Variants in ACOT2 observed in about 807,000 individuals in gnomAD.
The protein encoded by ACOT2 is acyl-coenzyme A thioesterase 2, mitochondrial.
In ACOT2, 15 loss-of-function variants were observed where a neutral mutation model predicts 20.1. The ratio of observed to expected loss-of-function variants is 0.75; its 90% CI spans 0.50 to 1.15. The LOEUF is 1.15. Ranked by LOEUF, ACOT2 falls within the 50% of genes most tolerant of loss-of-function variation. The pLI is 0.00. For synonymous variants in ACOT2, 252 were observed against 268.4 expected (o/e 0.94, Z 0.60); for missense variants, 479 against 615.3 (o/e 0.78, Z 2.34).
Position 73,575,106 on chromosome 14 carries a change from G to A in ACOT2, c.1045G>A (p.Asp349Asn). 1 of 1,378,482 alleles carries A rather than the reference G, an allele frequency of 7.3e-7. No individual in the cohort carries two copies. Among genetic ancestry groups the A allele is most frequent in the Non-Finnish European group, 1.0e-6 (1 of 1,001,388 alleles). The allele number at this position is 1,378,482 out of a possible 1,614,324, so 85.4% of individuals were successfully genotyped here. ...CAGAAATCGCATCAAGGTGACCAAA[G>A]ATGGCTATGCAGACATTGTGGATGT... Reference protein sequence around the residue: ...VNRNRIKVTKDGYADIVDVLN... With the variant: ...VNRNRIKVTKNGYADIVDVLN... The change falls in exon 3 of 3, where the codon GAT becomes AAT. Residue 349 changes from aspartate (D) to asparagine (N), a missense_variant. Around this residue, in one of 4 missense-constraint regions of ACOT2, gnomAD observed 39 missense variants for 108.0 expected, o/e 0.36. Coordinates refer to ENST00000238651, the MANE Select transcript of ACOT2 (RefSeq NM_006821.6).
In ACOT2 at chr14:73,569,362, C is replaced by T. The variant is rs764178107; in HGVS notation, c.122C>T (p.Ser41Leu). 1.1e-5 allele frequency: 17 copies of T among 1,613,984 alleles called. 1 individual carries two copies. The highest frequency in any genetic ancestry group is 1.4e-5 in the Non-Finnish European group (17 of 1,179,806). The change falls in exon 1 of 3, where the codon TCG becomes TTG. Residue 41 changes from serine (S) to leucine (L), a missense_variant. Ser to Leu is a moderately radical substitution (Grantham distance 145). Coordinates refer to ENST00000238651, the MANE Select transcript of ACOT2 (RefSeq NM_006821.6). The stretch of plus-strand genomic sequence containing the variant: ...CTGTACCAATGGAGCCTGAAGAGTT[C>T]GGCGCAGTTCCTGGGGTCTCCACAG... ...SRLYQWSLKS[S>L]AQFLGSPQLR...
chr14:73,571,159 C>G (rs3815289), intron 1 of ACOT2: 1 of 151,702 alleles, frequency 6.6e-6, no homozygotes, highest in South Asian at 2.1e-4. Flanking sequence ...CCTAGCTCCC[C>G]GCTGGCTGGC....
chr14:73,573,757 T>C (rs61987140), intron 2 of ACOT2, among the ~76,000 whole-genome samples, 167 bp downstream of exon 2: 21,637 of 151,504 alleles, frequency 0.14, 2,331 homozygotes, highest in Non-Finnish European at 0.22. Context: ...AGATGGAGTC[T>C]CACTCTGTTG....
chr14:73,574,836 G>C lies in ACOT2; in HGVS notation c.847-72G>C, dbSNP rs1176687719. ...AGACTCAGGTTCAACTAACTTCCAG[G>C]GTGGACACAACTCACCATATTCCAC... is the stretch of plus-strand genomic sequence containing the variant. On this transcript the variant is annotated intron_variant, in intron 2 of 2. Coordinates refer to ENST00000238651, the MANE Select transcript of ACOT2 (RefSeq NM_006821.6). The C allele has an allele frequency of 2.4e-5, 39 of 1,607,788 alleles. 1 individual carries two copies. In the South Asian group the frequency reaches 3.7e-4, roughly 15 times the overall value.
upstream of ACOT2, among the ~76,000 whole-genome samples, chr14:73,568,563 C>T (rs530533803): frequency 6.9e-6 from 1 of 144,670 alleles, no homozygotes; most frequent in African/African-American, 2.5e-5. Flanking sequence ...GACCCTGTCT[C>T]TCAAAAAAAA....
chr14:73,569,976 CCG>C, intron 1 of ACOT2, 93 bp downstream of exon 1: 1 of 1,462,068 alleles, frequency 6.8e-7, no homozygotes, highest in East Asian at 2.5e-5. Context: ...GTATGCCCCC[CCG>C]CCGCGCCCCC....
At position 73,569,252 on chromosome 14, in the gene ACOT2, G is replaced by A. The variant is rs556757772; in HGVS notation, c.12G>A (p.Lys4=). 1.2e-6 allele frequency: 2 copies of A among 1,613,648 alleles called. No individual in the cohort carries two copies. Among genetic ancestry groups the A allele is most frequent in the African/African-American group, 2.7e-5 (2 of 75,042 alleles). MSN[K]LLSPHPHSVV... Reference sequence around the variant, plus strand: ...GGCAGCCCGAGAGGATGTCTAACAAGCTTCTTTCTCCCCACCCCCATTCAG... The same window carrying A: ...GGCAGCCCGAGAGGATGTCTAACAAACTTCTTTCTCCCCACCCCCATTCAG... Residue 4 remains lysine (K), a synonymous_variant, in exon 1 of 3, where the codon AAG becomes AAA. Transcript: ENST00000238651.
rs536380162 is a variant in ACOT2 at position 73,574,060 on chromosome 14, G to A, written c.846+470G>A. On this transcript the variant is annotated intron_variant, in intron 2 of 2. Coordinates refer to ENST00000238651, the MANE Select transcript of ACOT2 (RefSeq NM_006821.6). Reference sequence around the variant, plus strand: ...TATTTTTTTTTTTTTAAGTAGAGATGGGGTTTCGCCATGTTGGCCAGGCTG... The same window carrying A: ...TATTTTTTTTTTTTTAAGTAGAGATAGGGTTTCGCCATGTTGGCCAGGCTG... Among the ~76,000 whole-genome samples the A allele has an allele frequency of 3.3e-4, 50 of 151,356 alleles. No individual in the cohort carries two copies. In the East Asian group the frequency reaches 8.7e-3, roughly 26 times the overall value.
In ACOT2 at chr14:73,573,003, AATATC is replaced by A. The variant is rs1889795708; in HGVS notation, c.644-383_644-379del. ...CAAAACCTTTAATGTAAATGATAAA[AATATC>A]AGTAAGTGGAGTCATTCAGAATGAG... is the stretch of plus-strand genomic sequence containing the variant. On this transcript the variant is annotated intron_variant, in intron 1 of 2. Transcript: ENST00000238651. Among the ~76,000 whole-genome samples the A allele has an allele frequency of 2.0e-5, 3 of 151,676 alleles. No individual in the cohort carries two copies. In the South Asian group the frequency reaches 6.2e-4, roughly 32 times the overall value.
rs1889664075 is a variant in ACOT2, at chr14:73,569,434, C to A, written c.194C>A (p.Ala65Glu). 6.2e-7 allele frequency: 1 copy of A among 1,613,852 alleles called. No homozygotes were observed. Among genetic ancestry groups the A allele is most frequent in the Non-Finnish European group, 8.5e-7 (1 of 1,179,786 alleles). Reference sequence around the variant, plus strand: ...ATTAGGGTTCCTGCTCGGATGGCGGCGACGCTGATCCTGGAGCCTGCGGGC... The same window carrying A: ...ATTAGGGTTCCTGCTCGGATGGCGGAGACGCTGATCCTGGAGCCTGCGGGC... The part of the protein sequence containing the change: ...QIIRVPARMA[A>E]TLILEPAGRC... The change falls in exon 1 of 3, where the codon GCG (alanine) becomes GAG (glutamate). Residue 65 changes from alanine (A) to glutamate (E), a missense_variant. By Grantham distance (107) the Ala-to-Glu change is moderately radical. Transcript: ENST00000238651.
chr14:73,575,627 C>T lies in ACOT2; in HGVS notation c.*114C>T. 1 of 1,549,678 alleles carries T rather than the reference C, an allele frequency of 6.5e-7. No homozygotes were observed. The highest frequency in any genetic ancestry group is 8.7e-7 in the Non-Finnish European group (1 of 1,153,954). ...GTTTTTAATAACTAAAGTTTTTTCC[C>T]CTCATTATTAAAATGAATTTACCAG... On this transcript the variant is annotated 3_prime_UTR_variant, in exon 3 of 3. Coordinates refer to ENST00000238651, the MANE Select transcript of ACOT2 (RefSeq NM_006821.6).
intron 2 of ACOT2, among the ~76,000 whole-genome samples, chr14:73,574,094 C>T (rs1439838928): frequency 5.3e-5 from 8 of 151,406 alleles, no homozygotes; most frequent in African/African-American, 1.9e-4. Flanking sequence ...TGGTCTCAAA[C>T]TCCTGACCTC....
chr14:73,569,635 G>A lies in ACOT2; in HGVS notation c.395G>A (p.Gly132Asp). Residue 132 changes from glycine (G) to aspartate (D), a missense_variant, in exon 1 of 3, where the codon GGC (glycine) becomes GAC (aspartate). Physicochemically the swap from Gly to Asp is moderately conservative, Grantham distance 94 (BLOSUM62 -1). Transcript: ENST00000238651. ...CTGGAGCGCGCGCCCGCGCTGGGCGGCAGCTTCGCGGGGCTTGAGCCCATG... is the reference window on the plus strand; with the variant it reads ...CTGGAGCGCGCGCCCGCGCTGGGCGACAGCTTCGCGGGGCTTGAGCCCATG... ...LDLERAPALG[G>D]SFAGLEPMGL... The A allele has an allele frequency of 1.2e-6, 2 of 1,602,646 alleles. No individual in the cohort carries two copies. Among genetic ancestry groups the A allele is most frequent in the Non-Finnish European group, 1.7e-6 (2 of 1,176,238 alleles).
At chr14:73,567,767 A>G (rs776237425), upstream of ACOT2, 3 of 152,062 alleles carry the variant, frequency 2.0e-5, no homozygotes, top group African/African-American at 4.8e-5. Flanking sequence ...TGAAGCCAAG[A>G]CCATGAACCC....
chr14:73,571,658 C>G (rs1159068906), intron 1 of ACOT2: 2 of 151,344 alleles, frequency 1.3e-5, no homozygotes, highest in African/African-American at 4.9e-5. Flanking sequence ...TGCCAGCACG[C>G]GGTCCCTGTC....
Position 73,569,818 on chromosome 14 carries a change from C to T in ACOT2, c.578C>T (p.Pro193Leu). ...CQTRHERYFL[P>L]PGVRREPVRV... ...ACGCGGCACGAGCGCTACTTCCTCC[C>T]GCCCGGGGTGCGGCGCGAGCCGGTG... Residue 193 changes from proline to leucine, a missense_variant, in exon 1 of 3, where the codon CCG becomes CTG. Physicochemically the swap from Pro to Leu is moderately conservative, Grantham distance 98. Transcript: ENST00000238651. 8 of 1,599,882 alleles carry T rather than the reference C, an allele frequency of 5.0e-6. No homozygotes were observed. Among genetic ancestry groups the T allele is most frequent in the South Asian group, 1.1e-5 (1 of 89,996 alleles).
chr14:73,568,242 C>T (rs1407471037), upstream of ACOT2: 1 of 152,010 alleles, frequency 6.6e-6, no homozygotes, highest in Non-Finnish European at 1.5e-5. Flanking sequence ...GAGGCAAACA[C>T]AGGTTTTGTG....
At chr14:73,571,386 G>A (rs1381961923) in intron 1 of ACOT2, 1 of 154,542 alleles carries the variant, frequency 6.5e-6, no homozygotes, top group Non-Finnish European at 1.4e-5. Flanking sequence ...CACCCACACA[G>A]TGGTCATACT....
Position 73,573,415 on chromosome 14 carries a change from A to T in ACOT2, c.671A>T (p.Asp224Val), listed in dbSNP as rs1403042109. The T allele has an allele frequency of 2.5e-6, 4 of 1,613,446 alleles. No homozygotes were observed. Among genetic ancestry groups the T allele is most frequent in the Non-Finnish European group, 3.4e-6 (4 of 1,179,684 alleles). The change falls in exon 2 of 3, where the codon GAC (aspartate) becomes GTC (valine). Residue 224 changes from aspartate to valine, a missense_variant. By Grantham distance (152) the Asp-to-Val change is radical. This residue lies in a region of ACOT2 where 400 missense variants were observed against 395.5 expected (regional missense o/e 1.01). Transcript: ENST00000238651. ...PEPGPFPGIV[D>V]MFGTGGGLLE... Reference sequence around the variant, plus strand: ...CCTGGGCCCTTTCCTGGGATTGTGGACATGTTCGGAACTGGAGGTGGCCTG... The same window carrying T: ...CCTGGGCCCTTTCCTGGGATTGTGGTCATGTTCGGAACTGGAGGTGGCCTG...
Sources: gnomAD v4.1 joint callset for allele counts (sites outside exome capture counted in the v4.1 genomes callset) on GRCh38, gnomAD v4.1.1 for gene constraint, gnomAD v4.1.1 regional missense constraint, MANE v1.5 for transcripts, NCBI Gene and HGNC (gene_info 2026-07-23, HGNC 2026-07-21) for gene names.